GIPC2: variants seen among roughly 807,000 people sequenced by gnomAD.
GIPC2 encodes the protein GIPC PDZ domain containing family member 2.
GIPC2 carries 30 observed loss-of-function variants against 30.6 expected under a neutral mutation model. That is an observed-to-expected ratio of 0.98 (90% CI 0.73 to 1.33). The LOEUF is 1.33. GIPC2 is among the 40% of genes most tolerant of loss of function. The pLI, the probability that GIPC2 is intolerant of heterozygous loss-of-function variation, is 0.00. For synonymous variants in GIPC2, 167 were observed against 150.0 expected (o/e 1.11, Z -0.83); for missense variants, 414 against 390.3 (o/e 1.06, Z -0.51).
At chr1:78,062,489 T>C (rs750974602) in intron 1 of GIPC2, among the ~76,000 whole-genome samples, 1 of 151,764 alleles carries the variant, frequency 6.6e-6, no homozygotes, top group African/African-American at 2.4e-5. Flanking sequence ...AGGGAATTAC[T>C]GTGTTTTTTC....
At chr1:78,053,918 A>G (rs1008748094) in intron 1 of GIPC2, among the ~76,000 whole-genome samples, 1 of 152,100 alleles carries the variant, frequency 6.6e-6, no homozygotes, top group Non-Finnish European at 1.5e-5. Flanking sequence ...ACAGAGCAAG[A>G]CTGTCTAAAC....
intron 2 of GIPC2, among the ~76,000 whole-genome samples, chr1:78,082,262 C>T (rs1661845122): frequency 1.3e-5 from 2 of 152,068 alleles, no homozygotes; most frequent in Admixed American, 6.6e-5. Flanking sequence ...TCTATTCACT[C>T]GATTAAGAAT....
intron 4 of GIPC2, 65 bp downstream of exon 4, chr1:78,119,564 T>G: frequency 1.0e-6 from 1 of 990,748 alleles, no homozygotes; most frequent in East Asian, 2.4e-5. Context: ...ATTCCATTCA[T>G]TCTAACCAAA....
At chr1:78,112,390 C>T in intron 3 of GIPC2, 3 of 518,442 alleles carry the variant, frequency 5.8e-6, no homozygotes, top group Non-Finnish European at 7.7e-6. Flanking sequence ...TTCTCTGTGT[C>T]CATAGCATCC....
At chr1:78,126,069 G>A in intron 5 of GIPC2, 107 bp downstream of exon 5, 2 of 584,670 alleles carry the variant, frequency 3.4e-6, no homozygotes, top group East Asian at 3.1e-5. Context: ...CAATATTTGT[G>A]GTATGATGAA....
chr1:78,115,088 T>A (rs1423560445), intron 3 of GIPC2, among the ~76,000 whole-genome samples: 1 of 152,174 alleles, frequency 6.6e-6, no homozygotes, highest in Non-Finnish European at 1.5e-5. Flanking sequence ...GCTGACTTCT[T>A]GGGCAGGGAT....
rs79487622 is a variant in GIPC2 at position 78,052,875 on chromosome 1, T to C, written c.240+6541T>C. Among the ~76,000 whole-genome samples the C allele has an allele frequency of 1.9e-4, 29 of 152,310 alleles. No individual in the cohort carries two copies. In the East Asian group the frequency reaches 5.0e-3, roughly 26 times the overall value. ...TTTGAAAGTCAATATTCTGTATTTATGTGGTACTTCTAGAAGACATGAAAT... is the reference window on the plus strand; with the variant it reads ...TTTGAAAGTCAATATTCTGTATTTACGTGGTACTTCTAGAAGACATGAAAT... On this transcript the variant is annotated intron_variant, in intron 1 of 5. Transcript: ENST00000370759.
intron 4 of GIPC2, among the ~76,000 whole-genome samples, chr1:78,121,344 C>A (rs1430974591): frequency 6.6e-6 from 1 of 152,114 alleles, no homozygotes. Context: ...AGGCTCTGGG[C>A]CCTTCTAGGG....
At chr1:78,124,215 A>G (rs1662740181) in intron 4 of GIPC2, among the ~76,000 whole-genome samples, 2 of 152,332 alleles carry the variant, frequency 1.3e-5, no homozygotes, top group South Asian at 4.1e-4. Flanking sequence ...ATATTAAACC[A>G]AAAATTTAAA....
At chr1:78,112,652 G>A (rs1662492887) in intron 3 of GIPC2, among the ~76,000 whole-genome samples, 1 of 152,152 alleles carries the variant, frequency 6.6e-6, no homozygotes. Flanking sequence ...AAGCCGTGTT[G>A]CATGTGCTAC....
At chr1:78,101,263 A>C (rs1050242010) in intron 3 of GIPC2, among the ~76,000 whole-genome samples, 17 of 152,258 alleles carry the variant, frequency 1.1e-4, no homozygotes, top group Admixed American at 7.2e-4. Context: ...CAGATGTTCC[A>C]TTGCACTTTC....
At chr1:78,099,015 A>G (rs1198384846) in intron 3 of GIPC2, among the ~76,000 whole-genome samples, 3 of 152,292 alleles carry the variant, frequency 2.0e-5, no homozygotes, top group Non-Finnish European at 4.4e-5. Context: ...TAGGAAAAAA[A>G]TTACAGTACC....
chr1:78,131,198 T>C (rs1557553548), intron 5 of GIPC2, among the ~76,000 whole-genome samples: 1 of 152,002 alleles, frequency 6.6e-6, no homozygotes, highest in Non-Finnish European at 1.5e-5. Flanking sequence ...AAAATTCTAC[T>C]TTTTTTTCTT....
intron 1 of GIPC2, among the ~76,000 whole-genome samples, chr1:78,071,051 A>G (rs945088197): frequency 2.6e-5 from 4 of 152,148 alleles, no homozygotes; most frequent in Admixed American, 2.6e-4. Flanking sequence ...CGCCAATTTT[A>G]TGTCTTTTCC....
chr1:78,058,705 A>G (rs575885580), intron 1 of GIPC2, among the ~76,000 whole-genome samples: 2 of 152,356 alleles, frequency 1.3e-5, no homozygotes, highest in African/African-American at 4.8e-5. Context: ...TGAGAAGTCC[A>G]CTAAAAATTT....
chr1:78,052,209 C>G (rs1055577394), intron 1 of GIPC2, among the ~76,000 whole-genome samples: 2 of 152,194 alleles, frequency 1.3e-5, no homozygotes, highest in Non-Finnish European at 2.9e-5. Context: ...GAGGCTAGCA[C>G]TGATCATCTC....
At chr1:78,045,535 G>A (rs1342116353), upstream of GIPC2, 4 of 984,904 alleles carry the variant, frequency 4.1e-6, no homozygotes, top group Non-Finnish European at 4.8e-6. Flanking sequence ...CCGGCTGAGG[G>A]GGTTTATGAA....
rs1663003588 is a variant in GIPC2, at chr1:78,136,344, G to A, written c.*601G>A. On this transcript the variant is annotated 3_prime_UTR_variant, in exon 6 of 6. Coordinates refer to ENST00000370759, the MANE Select transcript of GIPC2 (RefSeq NM_017655.6). Reference sequence around the variant, plus strand: ...CAAAGATTGATTGATTTTCTTGTATGCTTCTTTATACATGCTCTTAAAACT... The same window carrying A: ...CAAAGATTGATTGATTTTCTTGTATACTTCTTTATACATGCTCTTAAAACT... 1 of 151,974 alleles carries A rather than the reference G, an allele frequency of 6.6e-6. No individual in the cohort carries two copies. Among genetic ancestry groups the A allele is most frequent in the Non-Finnish European group, 1.5e-5 (1 of 67,988 alleles). The allele number at this position is 151,974 out of a possible 1,614,324, so 9.4% of individuals were successfully genotyped here.
At chr1:78,121,358 C>T (rs901873727) in intron 4 of GIPC2, among the ~76,000 whole-genome samples, 1 of 152,212 alleles carries the variant, frequency 6.6e-6, no homozygotes, top group South Asian at 2.1e-4. Context: ...TCTAGGGTCT[C>T]TCTGTATGTG....
Sources: gnomAD v4.1 joint callset for allele counts (sites outside exome capture counted in the v4.1 genomes callset) on GRCh38, gnomAD v4.1.1 for gene constraint, MANE v1.5 for transcripts, NCBI Gene and HGNC (gene_info 2026-07-23, HGNC 2026-07-21) for gene names.